The following CRIP1 variants were observed in gnomAD, a reference collection of about 807,000 sequenced individuals.
CRIP1 encodes cysteine rich protein 1.
CRIP1 carries 11 observed loss-of-function variants against 12.9 expected under a neutral mutation model. The observed-to-expected ratio is 0.86, with a 90% CI of 0.54 to 1.42. CRIP1 has a LOEUF of 1.42. CRIP1 is among the 40% of genes most tolerant of loss of function. CRIP1 has a pLI of 0.00. For missense variants in CRIP1, 122 were observed against 101.3 expected, an observed-to-expected ratio of 1.20 and a Z score of -0.88; for synonymous variants, 41 against 37.2, an observed-to-expected ratio of 1.10 and a Z score of -0.37.
At position 105,488,470 on chromosome 14, in the gene CRIP1, G is replaced by C. The variant is rs782082040; in HGVS notation, c.194-1G>C. ...GTTGACTTTTTCCACCTTCTCTGCA[G>C]GCTTTGGGCGGGGCGGAGCCGAGAG... is the stretch of plus-strand genomic sequence containing the variant. On this transcript the variant is annotated splice_acceptor_variant, in intron 4 of 5. Transcript: ENST00000392531. LOFTEE classifies it high-confidence loss of function. 16 of 1,592,954 alleles carry C rather than the reference G, an allele frequency of 1.0e-5. No individual in the cohort carries two copies. In the East Asian group the frequency reaches 2.7e-4, roughly 27 times the overall value.
rs587624602 is a variant in CRIP1, at chr14:105,488,403, TCCCCA to T, written c.193+32_193+36del. 4.5e-5 allele frequency: 71 copies of T among 1,577,072 alleles called. No homozygotes were observed. Among genetic ancestry groups the T allele is most frequent in the South Asian group, 3.0e-4 (27 of 89,314 alleles). ...TGGGCCTAAAGGTATGCTCCCGTCA[TCCCCA>T]CCCCACCCCACCCCACAGCCTCCTC... is the stretch of plus-strand genomic sequence containing the variant. On this transcript the variant is annotated intron_variant, in intron 4 of 5. Transcript: ENST00000392531.
chr14:105,488,656 T>C lies in CRIP1; in HGVS notation c.*6-7T>C. On this transcript the variant is annotated splice_region_variant and splice_polypyrimidine_tract_variant and intron_variant, in intron 5 of 5. Transcript: ENST00000392531. ...ACTCACGTCTGTGCCTGTCTCTCTC[T>C]GCACAGGTGGTGGAGACCCCATCCT... 1 of 900,342 alleles carries C rather than the reference T, an allele frequency of 1.1e-6. No individual in the cohort carries two copies. Among genetic ancestry groups the C allele is most frequent in the Non-Finnish European group, 1.7e-6 (1 of 581,674 alleles). The allele number at this position is 900,342 out of a possible 1,614,324, so 55.8% of individuals were successfully genotyped here.
At chr14:105,488,436 C>G (rs782172947) in intron 4 of CRIP1, 35 bp from the exon 5 acceptor site, 1 of 1,609,434 alleles carries the variant, frequency 6.2e-7, no homozygotes, top group South Asian at 1.1e-5. Context: ...GCCTCCTCCA[C>G]CCCAGCCTGT....
intron 5 of CRIP1, 73 bp from the exon 6 acceptor site, chr14:105,488,590 C>T (rs1427163245): frequency 2.7e-6 from 4 of 1,471,086 alleles, no homozygotes; most frequent in Non-Finnish European, 3.7e-6. Flanking sequence ...CCCAGGGAGG[C>T]CTGACCACTC....
Position 105,488,479 on chromosome 14 carries a change from C to G in CRIP1, c.202C>G (p.Arg68Gly). The change falls in exon 5 of 6, where the codon CGG becomes GGG. Residue 68 changes from arginine to glycine, a missense_variant. Physicochemically the swap from Arg to Gly is moderately radical, Grantham distance 125. Transcript: ENST00000392531. Reference sequence around the variant, plus strand: ...TTCCACCTTCTCTGCAGGCTTTGGGCGGGGCGGAGCCGAGAGCCACACTTT... The same window carrying G: ...TTCCACCTTCTCTGCAGGCTTTGGGGGGGGCGGAGCCGAGAGCCACACTTT... ...AAMFGPKGFGRGGAESHTFK is the reference protein window; with the variant it reads ...AAMFGPKGFGGGGAESHTFK 3 of 1,372,494 alleles carry G rather than the reference C, an allele frequency of 2.2e-6. No homozygotes were observed. The highest frequency in any genetic ancestry group is 2.9e-6 in the Non-Finnish European group (3 of 1,032,430). The allele number at this position is 1,372,494 out of a possible 1,614,324, so 85.0% of individuals were successfully genotyped here.
chr14:105,487,045 GT>G, intron 1 of CRIP1, 73 bp downstream of exon 1: 1 of 1,359,040 alleles, frequency 7.4e-7, no homozygotes, highest in Non-Finnish European at 9.5e-7. Context: ...GAAGGCGGGG[GT>G]GGACCAGATG....
At position 105,488,483 on chromosome 14, in the gene CRIP1, GCGGAGCCGAGAGC is replaced by G. The variant is rs1567069696; in HGVS notation, c.208_220del (p.Gly70ThrfsTer?). On this transcript the variant is annotated frameshift_variant, in exon 5 of 6. Transcript: ENST00000392531. LOFTEE classifies it high-confidence loss of function. Reference sequence around the variant, plus strand: ...ACCTTCTCTGCAGGCTTTGGGCGGGGCGGAGCCGAGAGCCACACTTTCAAGTAAACCAGGTAGG... The same window carrying G: ...ACCTTCTCTGCAGGCTTTGGGCGGGGCACACTTTCAAGTAAACCAGGTAGG... The G allele has an allele frequency of 5.6e-6, 9 of 1,606,798 alleles. No individual in the cohort carries two copies. The South Asian group carries it at 9.9e-5, about 18-fold the overall frequency.
In CRIP1 at chr14:105,487,232, T is replaced by A; in HGVS notation, c.-28T>A. Reference sequence around the variant, plus strand: ...CTGCAGCCCGTGCCGCCCCAGCCGCTGCCGCCTGCACCGGACCCGGAGCCG... The same window carrying A: ...CTGCAGCCCGTGCCGCCCCAGCCGCAGCCGCCTGCACCGGACCCGGAGCCG... On this transcript the variant is annotated 5_prime_UTR_variant, in exon 2 of 6. Coordinates refer to ENST00000392531, the MANE Select transcript of CRIP1 (RefSeq NM_001311.5). 1 of 1,542,128 alleles carries A rather than the reference T, an allele frequency of 6.5e-7. No individual in the cohort carries two copies. Among genetic ancestry groups the A allele is most frequent in the Non-Finnish European group, 8.7e-7 (1 of 1,143,904 alleles).
chr14:105,488,307 C>T (rs2084144898), intron 3 of CRIP1, 24 bp from the exon 4 acceptor site: 2 of 1,613,428 alleles, frequency 1.2e-6, no homozygotes, highest in Middle Eastern at 1.7e-4. Flanking sequence ...TGATGGCACC[C>T]CCTCACGGCC....
In CRIP1 at chr14:105,488,167, C is replaced by A; in HGVS notation, c.42C>A (p.Ala14=). 1.2e-6 allele frequency: 2 copies of A among 1,612,170 alleles called. No individual in the cohort carries two copies. The highest frequency in any genetic ancestry group is 1.7e-6 in the Non-Finnish European group (2 of 1,179,854). ...CPKCNKEVYF[A]ERVTSLGKDW... is the part of the protein sequence containing the mutation. ...CGGGGCCTGTCTGTGCCTCTGCAGC[C>A]GAGAGGGTGACCTCTCTGGGCAAGG... Residue 14 remains alanine (A), a splice_region_variant and synonymous_variant, in exon 3 of 6, where the codon GCC becomes GCA. Coordinates refer to ENST00000392531, the MANE Select transcript of CRIP1 (RefSeq NM_001311.5).
chr14:105,487,325 G>A (rs2084130614), intron 2 of CRIP1, 26 bp downstream of exon 2: 3 of 1,533,254 alleles, frequency 2.0e-6, no homozygotes, highest in East Asian at 2.5e-5. Context: ...CCGGCCCCGC[G>A]AGGAGGCGCC....
At chr14:105,488,019 G>C in intron 2 of CRIP1, 147 bp from the exon 3 acceptor site, 1 of 718,526 alleles carries the variant, frequency 1.4e-6, no homozygotes, top group South Asian at 1.7e-5. Context: ...AGGGTGCTGA[G>C]ACCTTAGGGT....
In CRIP1 at chr14:105,487,263, C is replaced by G. The variant is rs1555438207; in HGVS notation, c.4C>G (p.Pro2Ala). Residue 2 changes from proline (P) to alanine (A), a missense_variant, in exon 2 of 6, where the codon CCC becomes GCC. Transcript: ENST00000392531. M[P>A]KCPKCNKEVY... ...CTGCACCGGACCCGGAGCCGTCATG[C>G]CCAAGTGTCCCAAGTGCAACAAGGA... The G allele has an allele frequency of 6.5e-7, 1 of 1,544,734 alleles. No individual in the cohort carries two copies. The highest frequency in any genetic ancestry group is 2.5e-5 in the East Asian group (1 of 40,452).
chr14:105,487,154 G>A, intron 1 of CRIP1, 45 bp from the exon 2 acceptor site: 1 of 1,480,932 alleles, frequency 6.8e-7, no homozygotes, highest in Non-Finnish European at 9.0e-7. Flanking sequence ...AAGGGGCGGG[G>A]TCCCGGGGTC....
At position 105,488,458 on chromosome 14, in the gene CRIP1, A is replaced by T; in HGVS notation, c.194-13A>T. On this transcript the variant is annotated splice_polypyrimidine_tract_variant and intron_variant, in intron 4 of 5. Coordinates refer to ENST00000392531, the MANE Select transcript of CRIP1 (RefSeq NM_001311.5). ...CCACCCCAGCCTGTTGACTTTTTCC[A>T]CCTTCTCTGCAGGCTTTGGGCGGGG... 1.3e-6 allele frequency: 2 copies of T among 1,542,236 alleles called. No individual in the cohort carries two copies. Among genetic ancestry groups the T allele is most frequent in the Admixed American group, 2.0e-5 (1 of 50,850 alleles).
At chr14:105,488,574 C>T (rs782307574) in intron 5 of CRIP1, 58 bp downstream of exon 5, 183 of 1,534,000 alleles carry the variant, frequency 1.2e-4, no homozygotes, top group Non-Finnish European at 1.5e-4. Context: ...GATGGGGATG[C>T]CCCCTCCCAG....
intron 1 of CRIP1, 50 bp from the exon 2 acceptor site, chr14:105,487,149 G>GCGGGGTCC (rs1158843130): frequency 1.4e-6 from 2 of 1,465,330 alleles, no homozygotes; most frequent in Non-Finnish European, 1.8e-6. Flanking sequence ...TCTCCAAGGG[G>GCGGGGTCC]CGGGGTCCCG....
At position 105,488,481 on chromosome 14, in the gene CRIP1, G is replaced by C. The variant is rs935918728; in HGVS notation, c.204G>C (p.Arg68=). ...CCACCTTCTCTGCAGGCTTTGGGCG[G>C]GGCGGAGCCGAGAGCCACACTTTCA... is the stretch of plus-strand genomic sequence containing the variant. The part of the protein sequence containing the change: ...AAMFGPKGFG[R]GGAESHTFK Residue 68 remains arginine, a synonymous_variant, in exon 5 of 6, where the codon CGG becomes CGC. Coordinates refer to ENST00000392531, the MANE Select transcript of CRIP1 (RefSeq NM_001311.5). The C allele has an allele frequency of 3.1e-6, 5 of 1,607,488 alleles. No homozygotes were observed. Among genetic ancestry groups the C allele is most frequent in the South Asian group, 1.1e-5 (1 of 90,802 alleles).
Position 105,488,791 on chromosome 14 carries a change from CTGTG to C in CRIP1, c.*140_*143del. 1.9e-6 allele frequency: 1 copy of C among 539,872 alleles called. No individual in the cohort carries two copies. The highest frequency in any genetic ancestry group is 3.3e-6 in the Non-Finnish European group (1 of 302,282). The allele number at this position is 539,872 out of a possible 1,614,324, so 33.4% of individuals were successfully genotyped here. A position where few individuals can be genotyped will look rare whatever the true frequency, so the allele number is the denominator to read the frequency against. On this transcript the variant is annotated 3_prime_UTR_variant, in exon 6 of 6. Coordinates refer to ENST00000392531, the MANE Select transcript of CRIP1 (RefSeq NM_001311.5). ...CAGTAAACCTGAACACTTGGAAAAC[CTGTG>C]TGTGTACATGCGCGTGTGTGCTGGG...
Sources: allele counts gnomAD v4.1 joint callset, GRCh38; gene constraint gnomAD v4.1.1; transcripts MANE v1.5; gene names NCBI Gene and HGNC (gene_info 2026-07-23, HGNC 2026-07-21).